The following REST variants were observed in gnomAD, a reference collection of about 807,000 sequenced individuals.
REST encodes the protein RE1-silencing transcription factor.
In REST, 1 loss-of-function variant was observed where a neutral mutation model predicts 30.4. The ratio of observed to expected loss-of-function variants is 0.03; its 90% confidence interval spans 0.01 to 0.16. The LOEUF (loss-of-function observed/expected upper bound fraction) is 0.16. Among genes scored for constraint, REST ranks in the 10% least tolerant of loss-of-function variants. The probability of loss-of-function intolerance (pLI) is 1.00; values close to 1 mark genes in which losing one functional copy is unlikely to be tolerated. For missense variants in REST, 1,259 were observed against 1,329.5 expected, an observed-to-expected ratio of 0.95 and a Z score of 0.82; for synonymous variants, 504 against 451.1, an observed-to-expected ratio of 1.12 and a Z score of -1.49.
Position 56,915,328 on chromosome 4 carries a change from C to G in REST, c.898+3792C>G, listed in dbSNP as rs558151379. Among the ~76,000 whole-genome samples the G allele has an allele frequency of 1.0e-4, 15 of 144,968 alleles. No homozygotes were observed. The East Asian group carries it at 3.0e-3, about 29-fold the overall frequency. ...TGGCGTGATCTCTGTTCACTGCAAC[C>G]TCTGCCTCCAGGGCTTAAGTGATTC... On this transcript the variant is annotated intron_variant, in intron 2 of 3. Transcript: ENST00000309042.
At chr4:56,929,660 CTT>C (rs1471512395) in intron 3 of REST, among the ~76,000 whole-genome samples, 179 bp from the exon 4 acceptor site, 1 of 152,272 alleles carries the variant, frequency 6.6e-6, no homozygotes, top group African/African-American at 2.4e-5. Context: ...TTATTCCTCT[CTT>C]TTGAGAATCA....
intron 2 of REST, among the ~76,000 whole-genome samples, chr4:56,918,317 C>A (rs1429506398): frequency 6.7e-6 from 1 of 148,420 alleles, no homozygotes; most frequent in Non-Finnish European, 1.5e-5. Context: ...CATGGCAAAA[C>A]CTGGTCTCTA....
intron 3 of REST, among the ~76,000 whole-genome samples, chr4:56,927,824 A>G (rs574220891): frequency 2.6e-5 from 4 of 152,146 alleles, no homozygotes; most frequent in Non-Finnish European, 5.9e-5. Flanking sequence ...TTTTATAGAA[A>G]GGTGGGGGGA....
chr4:56,911,880 C>G (rs190724802), intron 2 of REST, among the ~76,000 whole-genome samples: 1 of 152,022 alleles, frequency 6.6e-6, no homozygotes, highest in East Asian at 1.9e-4. Flanking sequence ...CCCAGCACCT[C>G]GGGAGGCCGA....
At chr4:56,922,042 T>A (rs1720473511) in intron 3 of REST, among the ~76,000 whole-genome samples, 1 of 152,170 alleles carries the variant, frequency 6.6e-6, no homozygotes, top group South Asian at 2.1e-4. Context: ...GTAGTATAGT[T>A]GCTAGCCTTT....
At chr4:56,926,272 ACTGGTCTCCGGCTC>A (rs1720707422) in intron 3 of REST, among the ~76,000 whole-genome samples, 1 of 151,642 alleles carries the variant, frequency 6.6e-6, no homozygotes, top group African/African-American at 2.4e-5. Context: ...TATTGGCCAG[ACTGGTCTCCGGCTC>A]CTGGTCTCCA....
intron 3 of REST, chr4:56,927,676 G>T: frequency 2.5e-6 from 3 of 1,220,826 alleles, no homozygotes; most frequent in Non-Finnish European, 3.2e-6. Flanking sequence ...TATGTATTCA[G>T]GTAGAATGTA....
rs1721022331 is a variant in REST at position 56,932,801 on chromosome 4, CTG to C, written c.*651_*652del. The C allele has an allele frequency of 6.7e-6, 1 of 149,658 alleles. No homozygotes were observed. Among genetic ancestry groups the C allele is most frequent in the East Asian group, 2.0e-4 (1 of 5,128 alleles). 9.3% of individuals were successfully genotyped at this position (149,658 alleles called of 1,614,324 possible). On this transcript the variant is annotated 3_prime_UTR_variant, in exon 4 of 4. Coordinates refer to ENST00000309042, the MANE Select transcript of REST (RefSeq NM_005612.5). ...GCACATTTTTTTTTTCTTTTGGTTT[CTG>C]TTTATGTTTTTTTGCCTATGCAGTT... is the stretch of plus-strand genomic sequence containing the variant.
intron 2 of REST, among the ~76,000 whole-genome samples, chr4:56,913,401 G>A (rs781658): frequency 0.22 from 33,728 of 152,068 alleles, 3,863 homozygotes; most frequent in East Asian, 0.4. Context: ...TTAACTATTG[G>A]TAGCTCATTT....
chr4:56,912,293 G>A (rs1463529408), intron 2 of REST, among the ~76,000 whole-genome samples: 3 of 151,962 alleles, frequency 2.0e-5, no homozygotes, highest in South Asian at 2.1e-4. Context: ...TTATGTTTAG[G>A]GTGTTTGAAC....
rs528464115 is a variant in REST at position 56,932,698 on chromosome 4, A to T, written c.*546A>T. 6.7e-6 allele frequency: 1 copy of T among 149,594 alleles called. No individual in the cohort carries two copies. The highest frequency in any genetic ancestry group is 2.5e-5 in the African/African-American group (1 of 39,228). 9.3% of individuals were successfully genotyped at this position (149,594 alleles called of 1,614,324 possible). On this transcript the variant is annotated 3_prime_UTR_variant, in exon 4 of 4. Transcript: ENST00000309042. Reference sequence around the variant, plus strand: ...TCCTGAGTTTTGATCAATATTTTTTATTTGTGTATGTTAATCGTCATAAAA... The same window carrying T: ...TCCTGAGTTTTGATCAATATTTTTTTTTTGTGTATGTTAATCGTCATAAAA...
In REST at chr4:56,910,918, G is replaced by C; in HGVS notation, c.280G>C (p.Glu94Gln). 5 of 1,614,192 alleles carry C rather than the reference G, an allele frequency of 3.1e-6. No homozygotes were observed. The highest frequency in any genetic ancestry group is 4.2e-6 in the Non-Finnish European group (5 of 1,180,040). Residue 94 changes from glutamate (E) to glutamine (Q), a missense_variant, in exon 2 of 4, where the codon GAA becomes CAA. This residue lies in a region of REST where 249 missense variants were observed against 251.5 expected (regional missense o/e 0.99). Coordinates refer to ENST00000309042, the MANE Select transcript of REST (RefSeq NM_005612.5). ...AGATAGTGAAGAAGGAGAAGGACTT[G>C]AAGAGTCTGCTGATATAAAAGGTGA... ...FSDSEEGEGLEESADIKGEPH... is the reference protein window; with the variant it reads ...FSDSEEGEGLQESADIKGEPH...
rs764202206 is a variant in REST at position 56,911,022 on chromosome 4, A to T, written c.384A>T (p.Ser128=). 2 of 1,614,204 alleles carry T rather than the reference A, an allele frequency of 1.2e-6. No homozygotes were observed. The highest frequency in any genetic ancestry group is 1.7e-5 in the Admixed American group (1 of 60,018). ...AACCTCAGCCTGTATTTGAGGCATC[A>T]GGTGCTCCAGATATTTACAGTTCAA... ...VVEPQPVFEA[S]GAPDIYSSNK... is the part of the protein sequence containing the mutation. The change falls in exon 2 of 4, where the codon TCA becomes TCT. Residue 128 remains serine (S), a synonymous_variant. Transcript: ENST00000309042.
rs989953092 is a variant in REST, at chr4:56,932,907, G to A, written c.*755G>A. The A allele has an allele frequency of 2.6e-5, 4 of 151,868 alleles. No homozygotes were observed. Among genetic ancestry groups the A allele is most frequent in the Non-Finnish European group, 4.4e-5 (3 of 67,966 alleles). 9.4% of individuals were successfully genotyped at this position (151,868 alleles called of 1,614,324 possible). On this transcript the variant is annotated 3_prime_UTR_variant, in exon 4 of 4. Transcript: ENST00000309042. ...TATATGCATGTTTATTTTGTTTGGC[G>A]TCTTTGGAGGGATGCTTTTAGACTT...
chr4:56,921,866 T>G (rs577528209), intron 3 of REST, among the ~76,000 whole-genome samples: 98 of 152,368 alleles, frequency 6.4e-4, no homozygotes, highest in South Asian at 3.3e-3. Flanking sequence ...TTTAACTGTT[T>G]CCTTTTTACC....
At chr4:56,915,442 G>A (rs1013559439) in intron 2 of REST, among the ~76,000 whole-genome samples, 13 of 151,572 alleles carry the variant, frequency 8.6e-5, no homozygotes, top group Admixed American at 3.3e-4. Context: ...TAGAGACAGC[G>A]TTTCACCATG....
At position 56,932,445 on chromosome 4, in the gene REST, T is replaced by G; in HGVS notation, c.*293T>G. ...TTTATTGCTTTGTCCAGCTACAACT[T>G]GTCATTTTTTTCTCCATGTCTTATC... On this transcript the variant is annotated 3_prime_UTR_variant, in exon 4 of 4. Transcript: ENST00000309042. 4.4e-6 allele frequency: 1 copy of G among 229,466 alleles called. No individual in the cohort carries two copies. The highest frequency in any genetic ancestry group is 8.4e-6 in the Non-Finnish European group (1 of 119,480). 14.2% of individuals were successfully genotyped at this position (229,466 alleles called of 1,614,324 possible).
At chr4:56,927,785 C>A in intron 3 of REST, 1 of 225,994 alleles carries the variant, frequency 4.4e-6, no homozygotes, top group Non-Finnish European at 8.7e-6. Flanking sequence ...ATTTGTGTGC[C>A]ACTTCTCATT....
chr4:56,931,109 C>T lies in REST; in HGVS notation c.2251C>T (p.Pro751Ser), dbSNP rs1446031877. The T allele has an allele frequency of 6.3e-7, 1 of 1,597,914 alleles. No homozygotes were observed. Among genetic ancestry groups the T allele is most frequent in the South Asian group, 1.1e-5 (1 of 90,568 alleles). The part of the protein sequence containing the change: ...QKEPVQIELS[P>S]PMEVVQKEPV... ...GGAGCCTGTTCAGATAGAGCTGTCT[C>T]CTCCCATGGAGGTGGTCCAGAAGGA... Residue 751 changes from proline to serine, a missense_variant, in exon 4 of 4, where the codon CCT (proline) becomes TCT (serine). By Grantham distance (74) the Pro-to-Ser change is moderately conservative. This residue lies in a region of REST where 856 missense variants were observed against 772.8 expected (regional missense o/e 1.11). Coordinates refer to ENST00000309042, the MANE Select transcript of REST (RefSeq NM_005612.5).
Sources: allele counts gnomAD v4.1 joint callset (sites outside exome capture counted in the v4.1 genomes callset), GRCh38; gene constraint gnomAD v4.1.1; regional missense constraint gnomAD v4.1.1; transcripts MANE v1.5; gene names NCBI Gene and HGNC (gene_info 2026-07-23, HGNC 2026-07-21).